ZC3H18: variants seen among roughly 807,000 people sequenced by gnomAD.
ZC3H18 encodes zinc finger CCCH-type containing 18, also known as zinc finger CCCH domain-containing protein 18.
A neutral mutation model predicts 106.1 loss-of-function variants in ZC3H18; 8 were observed. The observed-to-expected ratio is 0.08, with a 90% CI of 0.04 to 0.14. ZC3H18 has a LOEUF of 0.14. Among genes scored for constraint, ZC3H18 ranks in the 10% least tolerant of loss-of-function variants. The pLI is 1.00. For synonymous variants in ZC3H18, 635 were observed against 522.1 expected (o/e 1.22, Z -2.95); for missense variants, 1,318 against 1,278.4 (o/e 1.03, Z -0.47).
chr16:88,611,434 C>T lies in ZC3H18; in HGVS notation c.1373C>T (p.Ala458Val), dbSNP rs1471493721. ...AAGGAGGAGTGGGAGCGTGAGCGAG[C>T]CAAGCGGGACGAGAAGGACCGGCAG... ...RRKEEWERERAKRDEKDRQHR... is the reference protein window; with the variant it reads ...RRKEEWERERVKRDEKDRQHR... The change falls in exon 8 of 18, where the codon GCC (alanine) becomes GTC (valine). Residue 458 changes from alanine (A) to valine (V), a missense_variant. Physicochemically the swap from Ala to Val is moderately conservative, Grantham distance 64. Transcript: ENST00000301011. 8 of 1,490,212 alleles carry T rather than the reference C, an allele frequency of 5.4e-6. No individual in the cohort carries two copies. The highest frequency in any genetic ancestry group is 7.3e-6 in the Non-Finnish European group (8 of 1,091,174). The allele number at this position is 1,490,212 out of a possible 1,614,324, so 92.3% of individuals were successfully genotyped here.
intron 1 of ZC3H18, 55 bp from the exon 2 acceptor site, chr16:88,577,055 A>G (rs773391747): frequency 1.4e-5 from 21 of 1,495,392 alleles, no homozygotes; most frequent in Non-Finnish European, 1.7e-5. Flanking sequence ...AAGTAGGGAC[A>G]AGGTTTGTTT....
intron 3 of ZC3H18, among the ~76,000 whole-genome samples, chr16:88,597,768 G>A (rs769402021): frequency 6.6e-6 from 1 of 152,240 alleles, no homozygotes; most frequent in South Asian, 2.1e-4. Flanking sequence ...CATTGTTAAT[G>A]CTTCTCATTG....
At chr16:88,582,648 C>T (rs555130599) in intron 2 of ZC3H18, among the ~76,000 whole-genome samples, 25 of 152,280 alleles carry the variant, frequency 1.6e-4, no homozygotes, top group Middle Eastern at 3.4e-3. Context: ...AAAAGGGCCC[C>T]GTAGCATCAG....
chr16:88,626,204 G>A (rs1052078284), intron 13 of ZC3H18: 6 of 152,112 alleles, frequency 3.9e-5, no homozygotes, highest in East Asian at 1.9e-4. Context: ...CATCCGCCTC[G>A]GCTTCCCAAA....
intron 15 of ZC3H18, 86 bp downstream of exon 15, chr16:88,628,205 G>A (rs1220355579): frequency 4.6e-5 from 69 of 1,501,502 alleles, no homozygotes; most frequent in Middle Eastern, 2.0e-4. Context: ...CCTGGGGGAC[G>A]GAGCCTGAGT....
chr16:88,571,682 C>A (rs1914417430), intron 1 of ZC3H18: 2 of 985,210 alleles, frequency 2.0e-6, no homozygotes, highest in Non-Finnish European at 2.4e-6. Flanking sequence ...GGTAAGTTAA[C>A]CTATGGCCTA....
intron 3 of ZC3H18, among the ~76,000 whole-genome samples, chr16:88,591,189 C>T (rs1443313107): frequency 6.6e-6 from 1 of 151,886 alleles, no homozygotes; most frequent in Admixed American, 6.5e-5. Flanking sequence ...CCAGGATGGT[C>T]CCGATCTCCT....
At chr16:88,596,777 A>G (rs959802021) in intron 3 of ZC3H18, among the ~76,000 whole-genome samples, 1 of 152,234 alleles carries the variant, frequency 6.6e-6, no homozygotes, top group African/African-American at 2.4e-5. Flanking sequence ...TGAATACTGC[A>G]TGAGTATTTT....
intron 5 of ZC3H18, 69 bp from the exon 6 acceptor site, chr16:88,599,722 C>CT (rs1904645780): frequency 6.5e-7 from 1 of 1,544,980 alleles, no homozygotes; most frequent in African/African-American, 1.4e-5. Context: ...GGACGGCTCC[C>CT]TTTGTGTTTC....
chr16:88,602,361 C>T (rs912130186), intron 6 of ZC3H18, among the ~76,000 whole-genome samples: 3 of 152,234 alleles, frequency 2.0e-5, no homozygotes, highest in African/African-American at 7.2e-5. Flanking sequence ...TGGGTCACAG[C>T]AGGCCGAGGT....
At chr16:88,614,445 T>C (rs1905456680) in intron 8 of ZC3H18, among the ~76,000 whole-genome samples, 1 of 152,244 alleles carries the variant, frequency 6.6e-6, no homozygotes, top group Non-Finnish European at 1.5e-5. Flanking sequence ...AAGTCAGCTC[T>C]CAGGCAGGAC....
chr16:88,608,251 G>T lies in ZC3H18; in HGVS notation c.1089-683G>T, dbSNP rs1205614491. ...GGGACAGGTGGTTGCGGAGACTCCT[G>T]GGGGAGCTCCTCCTATTCCCCAGTG... On this transcript the variant is annotated intron_variant, in intron 6 of 17. Transcript: ENST00000301011. Among the ~76,000 whole-genome samples, 2 of 152,208 alleles carry T rather than the reference G, an allele frequency of 1.3e-5. 1 individual carries two copies. Among genetic ancestry groups the T allele is most frequent in the South Asian group, 4.1e-4 (2 of 4,830 alleles).
chr16:88,575,824 C>G (rs1056373692), intron 1 of ZC3H18, among the ~76,000 whole-genome samples: 1 of 151,890 alleles, frequency 6.6e-6, no homozygotes. Flanking sequence ...AGCGATCCTC[C>G]TGCGTCAGAC....
chr16:88,585,459 A>C (rs1384664223), intron 2 of ZC3H18, among the ~76,000 whole-genome samples: 1 of 152,206 alleles, frequency 6.6e-6, no homozygotes, highest in East Asian at 1.9e-4. Flanking sequence ...GGTGGGGCAC[A>C]GGGTTCAGCC....
rs931514936 is a variant in ZC3H18 at position 88,623,851 on chromosome 16, A to G, written c.1794-107A>G. Reference sequence around the variant, plus strand: ...CTGAAGTTAAAACTGAGGCACATAAATGGAAATTCGTGGCCTTCTCCATGG... The same window carrying G: ...CTGAAGTTAAAACTGAGGCACATAAGTGGAAATTCGTGGCCTTCTCCATGG... On this transcript the variant is annotated intron_variant, in intron 10 of 17. Coordinates refer to ENST00000301011, the MANE Select transcript of ZC3H18 (RefSeq NM_144604.4). The G allele has an allele frequency of 9.5e-6, 14 of 1,473,822 alleles. No homozygotes were observed. In the East Asian group the frequency reaches 3.1e-4, roughly 32 times the overall value. The allele number at this position is 1,473,822 out of a possible 1,614,324, so 91.3% of individuals were successfully genotyped here. A position where few individuals can be genotyped will look rare whatever the true frequency, so the allele number is the denominator to read the frequency against.
rs77532653 is a variant in ZC3H18 at position 88,594,340 on chromosome 16, G to A, written c.689-3838G>A. Among the ~76,000 whole-genome samples, 995 of 152,174 alleles carry A rather than the reference G, an allele frequency of 6.5e-3. 14 individuals are homozygous for A. The highest frequency in any genetic ancestry group is 0.022 in the African/African-American group (928 of 41,496). On this transcript the variant is annotated intron_variant, in intron 3 of 17. Transcript: ENST00000301011. ...TGTCTCTTAATTTCTAATATCGTACGTATCAATAGAAATGACACATATAAA... is the reference window on the plus strand; with the variant it reads ...TGTCTCTTAATTTCTAATATCGTACATATCAATAGAAATGACACATATAAA...
At chr16:88,605,419 G>A (rs1189139889) in intron 6 of ZC3H18, among the ~76,000 whole-genome samples, 1 of 152,260 alleles carries the variant, frequency 6.6e-6, no homozygotes, top group Non-Finnish European at 1.5e-5. Flanking sequence ...ACCATGCTGG[G>A]TTGGGGTGAG....
chr16:88,597,985 C>T (rs544805048), intron 3 of ZC3H18, among the ~76,000 whole-genome samples, 193 bp from the exon 4 acceptor site: 1 of 152,218 alleles, frequency 6.6e-6, no homozygotes, highest in South Asian at 2.1e-4. Context: ...CGTGCCTGGG[C>T]AGGTGCAGCT....
Position 88,631,524 on chromosome 16 carries a change from C to T in ZC3H18, c.*225C>T, listed in dbSNP as rs1906691312. ...CCGCAGGACAGACAGACACAGACAG[C>T]GCTAGTGACCAGCACGGTTCTCATG... On this transcript the variant is annotated 3_prime_UTR_variant, in exon 18 of 18. Coordinates refer to ENST00000301011, the MANE Select transcript of ZC3H18 (RefSeq NM_144604.4). 7 of 658,516 alleles carry T rather than the reference C, an allele frequency of 1.1e-5. 1 individual carries two copies. Among genetic ancestry groups the T allele is most frequent in the South Asian group, 4.6e-5 (3 of 64,736 alleles). 40.8% of individuals were successfully genotyped at this position (658,516 alleles called of 1,614,324 possible). A position where few individuals can be genotyped will look rare whatever the true frequency, so the allele number is the denominator to read the frequency against.
Sources: allele counts gnomAD v4.1 joint callset (sites outside exome capture counted in the v4.1 genomes callset), GRCh38; gene constraint gnomAD v4.1.1; transcripts MANE v1.5; gene names NCBI Gene and HGNC (gene_info 2026-07-23, HGNC 2026-07-21).